TBC1D22A: variants seen among roughly 807,000 people sequenced by gnomAD.
TBC1D22A encodes the protein TBC1 domain family member 22A, also known as putative GTPase activator.
TBC1D22A carries 38 observed loss-of-function variants against 60.2 expected under a neutral mutation model. That is an observed-to-expected ratio of 0.63 (90% confidence interval 0.49 to 0.83). The LOEUF (loss-of-function observed/expected upper bound fraction) is 0.83, where lower values mean the gene tolerates loss of function less well. Ranked by LOEUF, TBC1D22A falls within the 40% of genes least tolerant of loss-of-function variation. The pLI is 0.00. For missense variants in TBC1D22A, 628 were observed against 701.0 expected, an observed-to-expected ratio of 0.90 and a Z score of 1.18; for synonymous variants, 302 against 281.7, an observed-to-expected ratio of 1.07 and a Z score of -0.72.
intron 3 of TBC1D22A, among the ~76,000 whole-genome samples, chr22:46,796,251 G>C (rs1489586777): frequency 6.6e-6 from 1 of 152,118 alleles, no homozygotes; most frequent in Non-Finnish European, 1.5e-5. Flanking sequence ...AATTTAACTG[G>C]GCCACATTCT....
intron 7 of TBC1D22A, among the ~76,000 whole-genome samples, chr22:46,896,623 T>C (rs2068690494): frequency 6.6e-6 from 1 of 152,206 alleles, no homozygotes; most frequent in Admixed American, 6.5e-5. Flanking sequence ...ACTCCTGTTT[T>C]CTGTCACTGC....
rs759769107 is a variant in TBC1D22A at position 47,037,100 on chromosome 22, G to A, written c.1231G>A (p.Glu411Lys). The A allele has an allele frequency of 1.5e-5, 25 of 1,613,914 alleles. No homozygotes were observed. The highest frequency in any genetic ancestry group is 1.9e-5 in the Non-Finnish European group (23 of 1,179,856). Residue 411 changes from glutamate (E) to lysine (K), a missense_variant, in exon 11 of 13, where the codon GAA (glutamate) becomes AAA (lysine). Physicochemically the swap from Glu to Lys is moderately conservative, Grantham distance 56 (BLOSUM62 1). Coordinates refer to ENST00000337137, the MANE Select transcript of TBC1D22A (RefSeq NM_014346.5). ...AGTGCACCGGCACCTGGACCAACAC[G>A]AAGTGAGATACCTGCAGTTTGCCTT... ...EQVHRHLDQH[E>K]VRYLQFAFRW...
chr22:47,023,845 A>G (rs1264231134), intron 10 of TBC1D22A, among the ~76,000 whole-genome samples: 3 of 152,374 alleles, frequency 2.0e-5, no homozygotes, highest in East Asian at 1.9e-4. Flanking sequence ...AGCAATAGGT[A>G]AACTTGCAGG....
chr22:47,110,069 G>A (rs531202767), intron 11 of TBC1D22A, among the ~76,000 whole-genome samples: 4 of 152,296 alleles, frequency 2.6e-5, no homozygotes, highest in African/African-American at 9.6e-5. Context: ...TGCTCGCCTC[G>A]TTCTGCGGTA....
intron 11 of TBC1D22A, among the ~76,000 whole-genome samples, chr22:47,085,356 T>C (rs2064635786): frequency 6.6e-6 from 1 of 152,218 alleles, no homozygotes; most frequent in African/African-American, 2.4e-5. Flanking sequence ...TTTTGGTTGA[T>C]CATGAATTTT....
At chr22:46,961,918 G>C (rs2073527637) in intron 8 of TBC1D22A, among the ~76,000 whole-genome samples, 1 of 152,202 alleles carries the variant, frequency 6.6e-6, no homozygotes, top group Admixed American at 6.5e-5. Flanking sequence ...TGTGTATTTT[G>C]ACAGATTTAT....
At chr22:46,854,605 G>A (rs2087471747) in intron 4 of TBC1D22A, among the ~76,000 whole-genome samples, 1 of 149,346 alleles carries the variant, frequency 6.7e-6, no homozygotes, top group African/African-American at 2.5e-5. Flanking sequence ...TTCTGCCTTT[G>A]ATGGGTCTGC....
chr22:47,066,737 C>T (rs936804242), intron 11 of TBC1D22A, among the ~76,000 whole-genome samples: 5 of 152,186 alleles, frequency 3.3e-5, no homozygotes, highest in Admixed American at 2.0e-4. Context: ...CCTTGGGCAT[C>T]GGGGAAACCC....
At chr22:47,125,560 C>A (rs994352777) in intron 12 of TBC1D22A, among the ~76,000 whole-genome samples, 8 of 152,158 alleles carry the variant, frequency 5.3e-5, no homozygotes, top group African/African-American at 1.9e-4. Context: ...TAGCTTTCTT[C>A]CTGGAGGAAA....
At chr22:46,885,207 TG>T (rs1468512593) in intron 5 of TBC1D22A, among the ~76,000 whole-genome samples, 1 of 152,108 alleles carries the variant, frequency 6.6e-6, no homozygotes, top group Non-Finnish European at 1.5e-5. Flanking sequence ...TGTTGTTGTG[TG>T]TATCTGTGGG....
intron 11 of TBC1D22A, among the ~76,000 whole-genome samples, chr22:47,106,805 G>C (rs1397328972): frequency 6.6e-6 from 1 of 152,146 alleles, no homozygotes; most frequent in African/African-American, 2.4e-5. Context: ...TGGATCACAG[G>C]GTTAAGAGAT....
intron 4 of TBC1D22A, among the ~76,000 whole-genome samples, chr22:46,822,213 T>C (rs1203357910): frequency 6.6e-6 from 1 of 152,106 alleles, no homozygotes; most frequent in Non-Finnish European, 1.5e-5. Flanking sequence ...AGTTTTTTAT[T>C]ACCCATCTGC....
chr22:46,862,056 C>T (rs1329832898), intron 4 of TBC1D22A, among the ~76,000 whole-genome samples: 1 of 151,636 alleles, frequency 6.6e-6, no homozygotes, highest in Non-Finnish European at 1.5e-5. Flanking sequence ...GTCAGGACAG[C>T]GTAGTGGGGC....
At chr22:47,111,365 G>A (rs1395717500) in intron 11 of TBC1D22A, 143 bp from the exon 12 acceptor site, 3 of 650,866 alleles carry the variant, frequency 4.6e-6, no homozygotes, top group East Asian at 2.8e-5. Flanking sequence ...TGAAATTAAG[G>A]CATTAAGTAA....
intron 11 of TBC1D22A, among the ~76,000 whole-genome samples, chr22:47,060,825 G>A (rs998129127): frequency 3.3e-5 from 5 of 152,240 alleles, no homozygotes; most frequent in Non-Finnish European, 7.3e-5. Flanking sequence ...CTCCCCTGGT[G>A]TCCCATGTGT....
At chr22:46,801,113 G>A (rs1365987474) in intron 4 of TBC1D22A, among the ~76,000 whole-genome samples, 1 of 152,112 alleles carries the variant, frequency 6.6e-6, no homozygotes, top group Non-Finnish European at 1.5e-5. Flanking sequence ...TAGGTTGAGG[G>A]GACTGTGGGT....
chr22:46,944,454 A>T (rs987431120), intron 8 of TBC1D22A, among the ~76,000 whole-genome samples: 2 of 152,158 alleles, frequency 1.3e-5, no homozygotes, highest in Non-Finnish European at 2.9e-5. Flanking sequence ...GCTGGAGTGC[A>T]GTGGCGCAAT....
intron 12 of TBC1D22A, among the ~76,000 whole-genome samples, chr22:47,150,152 GCACGGGGCACAGT>G (rs528684257): frequency 8.9e-4 from 136 of 152,260 alleles, no homozygotes; most frequent in African/African-American, 3.1e-3. Flanking sequence ...GCCCCACGCG[GCACGGGGCACAGT>G]CACTGGTGCA....
chr22:47,093,295 C>T (rs760747567), intron 11 of TBC1D22A, among the ~76,000 whole-genome samples: 4 of 152,184 alleles, frequency 2.6e-5, no homozygotes, highest in Non-Finnish European at 5.9e-5. Flanking sequence ...CTCTAAGCAC[C>T]TGCTGGTGAC....
Sources: allele counts gnomAD v4.1 joint callset (sites outside exome capture counted in the v4.1 genomes callset), GRCh38; gene constraint gnomAD v4.1.1; transcripts MANE v1.5; gene names NCBI Gene and HGNC (gene_info 2026-07-23, HGNC 2026-07-21).